LRRC4C: variants seen among roughly 807,000 people sequenced by gnomAD.
LRRC4C encodes the protein leucine rich repeat containing 4C, also known as leucine-rich repeat-containing protein 4C.
In LRRC4C, 5 loss-of-function variants were observed where a neutral mutation model predicts 33.6. That is an observed-to-expected ratio of 0.15 (90% CI 0.08 to 0.31). The LOEUF (loss-of-function observed/expected upper bound fraction) is 0.31. LRRC4C is among the 10% of genes least tolerant of loss of function. The pLI, the probability that LRRC4C is intolerant of heterozygous loss-of-function variation, is 1.00. For synonymous variants in LRRC4C, 329 were observed against 302.0 expected (o/e 1.09, Z -0.93); for missense variants, 560 against 796.7 (o/e 0.70, Z 3.58).
At chr11:40,445,245 G>C (rs1018308929) in intron 3 of LRRC4C, 3 of 152,198 alleles carry the variant, frequency 2.0e-5, no homozygotes, top group Admixed American at 2.0e-4. Flanking sequence ...GAACAGTCAG[G>C]ATCTGACATA....
chr11:41,088,083 CA>C lies in LRRC4C; in HGVS notation c.-495-154361del, dbSNP rs140380435. Among the ~76,000 whole-genome samples, 24 of 152,154 alleles carry C rather than the reference CA, an allele frequency of 1.6e-4. No homozygotes were observed. In the South Asian group the frequency reaches 2.5e-3, roughly 16 times the overall value. On this transcript the variant is annotated intron_variant, in intron 1 of 6. Coordinates refer to ENST00000528697, the MANE Select transcript of LRRC4C (RefSeq NM_001258419.2). ...ATGGCTTGCAAAATCATTGGACAGG[CA>C]GACAAAATAGACCATCTACCCTTTT...
At chr11:40,300,582 A>T (rs983537252) in intron 4 of LRRC4C, among the ~76,000 whole-genome samples, 6 of 152,172 alleles carry the variant, frequency 3.9e-5, no homozygotes, top group Non-Finnish European at 8.8e-5. Flanking sequence ...TGATTCCAGG[A>T]TCCCAGCAGA....
intron 1 of LRRC4C, among the ~76,000 whole-genome samples, chr11:41,187,766 T>C (rs1945760798): frequency 6.6e-6 from 1 of 152,180 alleles, no homozygotes; most frequent in South Asian, 2.1e-4. Context: ...GCTGTGAGCA[T>C]TCACCCCTAG....
At chr11:40,324,467 G>A (rs1946000377) in intron 3 of LRRC4C, among the ~76,000 whole-genome samples, 2 of 152,126 alleles carry the variant, frequency 1.3e-5, no homozygotes, top group African/African-American at 4.8e-5. Flanking sequence ...TCCTTTTGAC[G>A]GTGAAATGAA....
chr11:41,306,729 TTTGAACAAAG>T (rs1270177962), intron 1 of LRRC4C, among the ~76,000 whole-genome samples: 1 of 152,180 alleles, frequency 6.6e-6, no homozygotes, highest in Non-Finnish European at 1.5e-5. Context: ...GGTGGGCGGA[TTTGAACAAAG>T]TTACTTAAGA....
chr11:41,255,658 C>G (rs914811208), intron 1 of LRRC4C, among the ~76,000 whole-genome samples: 9 of 152,060 alleles, frequency 5.9e-5, no homozygotes, highest in Non-Finnish European at 1.2e-4. Context: ...TATTATTCCC[C>G]CCTCTGACAT....
chr11:40,267,456 A>G (rs1481564785), intron 4 of LRRC4C, among the ~76,000 whole-genome samples: 1 of 152,116 alleles, frequency 6.6e-6, no homozygotes, highest in Non-Finnish European at 1.5e-5. Context: ...GGTTCACGCC[A>G]TTCTCCTGCC....
chr11:41,360,100 T>C (rs1952299363), intron 1 of LRRC4C, among the ~76,000 whole-genome samples: 2 of 152,066 alleles, frequency 1.3e-5, no homozygotes, highest in Non-Finnish European at 2.9e-5. Flanking sequence ...GGAGAATCAT[T>C]TGAACCTGGG....
chr11:41,084,060 C>A (rs1029347572), intron 1 of LRRC4C, among the ~76,000 whole-genome samples: 1 of 152,096 alleles, frequency 6.6e-6, no homozygotes, highest in African/African-American at 2.4e-5. Context: ...AAGGAATTTA[C>A]AAGGCTTAAA....
At chr11:41,339,699 G>C (rs1266381700) in intron 1 of LRRC4C, among the ~76,000 whole-genome samples, 1 of 152,146 alleles carries the variant, frequency 6.6e-6, no homozygotes, top group Non-Finnish European at 1.5e-5. Context: ...GTTCCTAACA[G>C]TTTGAGCTAA....
At chr11:40,214,600 A>G (rs1359416476) in intron 5 of LRRC4C, among the ~76,000 whole-genome samples, 1 of 152,106 alleles carries the variant, frequency 6.6e-6, no homozygotes, top group Non-Finnish European at 1.5e-5. Flanking sequence ...TGTCCTTATA[A>G]AATAAGATAC....
At chr11:41,102,836 G>A (rs1041283802) in intron 1 of LRRC4C, among the ~76,000 whole-genome samples, 2 of 151,992 alleles carry the variant, frequency 1.3e-5, no homozygotes, top group Non-Finnish European at 2.9e-5. Flanking sequence ...AACAAAGAAT[G>A]CTAATGTACA....
chr11:40,449,126 G>A (rs575151725), intron 3 of LRRC4C, among the ~76,000 whole-genome samples: 1 of 151,986 alleles, frequency 6.6e-6, no homozygotes, highest in South Asian at 2.1e-4. Flanking sequence ...TAAGTTCTTG[G>A]TAGATTCAGG....
chr11:40,629,454 C>G (rs985133491), intron 3 of LRRC4C, among the ~76,000 whole-genome samples: 1 of 152,112 alleles, frequency 6.6e-6, no homozygotes, highest in Non-Finnish European at 1.5e-5. Flanking sequence ...CTTACTCTAC[C>G]TAATTTTAAG....
chr11:40,572,920 A>G (rs2135575780), intron 3 of LRRC4C, among the ~76,000 whole-genome samples: 1 of 152,314 alleles, frequency 6.6e-6, no homozygotes, highest in East Asian at 1.9e-4. Flanking sequence ...TTTTTTTCTG[A>G]ATTGAATTAA....
chr11:41,010,128 G>C (rs1356727646), intron 1 of LRRC4C, among the ~76,000 whole-genome samples: 1 of 152,086 alleles, frequency 6.6e-6, no homozygotes, highest in African/African-American at 2.4e-5. Context: ...AGAAAGCATG[G>C]CCCTAATGAC....
At chr11:40,359,375 G>C (rs1307424982) in intron 3 of LRRC4C, among the ~76,000 whole-genome samples, 1 of 152,146 alleles carries the variant, frequency 6.6e-6, no homozygotes, top group Non-Finnish European at 1.5e-5. Context: ...ATTATTTGGA[G>C]CATCCCAGTA....
intron 3 of LRRC4C, among the ~76,000 whole-genome samples, chr11:40,407,085 A>G (rs1949990108): frequency 6.6e-6 from 1 of 152,108 alleles, no homozygotes; most frequent in African/African-American, 2.4e-5. Flanking sequence ...TTGTTTTGCA[A>G]ATGAAATTTT....
intron 2 of LRRC4C, among the ~76,000 whole-genome samples, chr11:40,732,835 C>G (rs1054275445): frequency 2.0e-5 from 3 of 152,116 alleles, no homozygotes; most frequent in East Asian, 1.9e-4. Context: ...CTTTGTCCAG[C>G]TCTACTATCT....
Sources: allele counts gnomAD v4.1 joint callset (sites outside exome capture counted in the v4.1 genomes callset), GRCh38; gene constraint gnomAD v4.1.1; transcripts MANE v1.5; gene names NCBI Gene and HGNC (gene_info 2026-07-23, HGNC 2026-07-21).